ZNF648: variants seen among roughly 807,000 people sequenced by gnomAD.
ZNF648 encodes zinc finger protein 648.
Under a neutral mutation model 0.3 loss-of-function variants are expected in ZNF648, and 1 was observed. The ratio of observed to expected loss-of-function variants is 3.90; its 90% confidence interval spans 1.39 to 18.51. The LOEUF is 18.51. Among genes scored for constraint, ZNF648 ranks in the 30% most tolerant of loss-of-function variants. ZNF648 has a pLI of 0.11. For synonymous variants in ZNF648, 376 were observed against 326.8 expected, an observed-to-expected ratio of 1.15 and a Z score of -1.62; for missense variants, 874 against 769.7, an observed-to-expected ratio of 1.14 and a Z score of -1.60.
rs763310559 is a variant in ZNF648 at position 182,057,173 on chromosome 1, C to G, written c.838G>C (p.Ala280Pro). 2.5e-6 allele frequency: 4 copies of G among 1,590,964 alleles called. No individual in the cohort carries two copies. The highest frequency in any genetic ancestry group is 2.2e-5 in the South Asian group (2 of 90,156). Residue 280 changes from alanine (A) to proline (P), a missense_variant, in exon 2 of 2, where the codon GCG becomes CCG. By Grantham distance (27) the Ala-to-Pro change is conservative. Coordinates refer to ENST00000339948, the MANE Select transcript of ZNF648 (RefSeq NM_001009992.1). The part of the protein sequence containing the change: ...ETRGGAAKRY[A>P]CELCGKAYSH... ...TAGGCCTTCCCGCATAGCTCGCACG[C>G]GTAGCGCTTGGCGGCGCCGCCGCGC...
Position 182,057,150 on chromosome 1 carries a change from G to T in ZNF648, c.861C>A (p.Ala287=). 6.9e-6 allele frequency: 11 copies of T among 1,602,094 alleles called. No homozygotes were observed. Among genetic ancestry groups the T allele is most frequent in the Non-Finnish European group, 9.3e-6 (11 of 1,178,664 alleles). Reference sequence around the variant, plus strand: ...GCTGGAGTGTGCCGCGGTGGGAGTAGGCCTTCCCGCATAGCTCGCACGCGT... The same window carrying T: ...GCTGGAGTGTGCCGCGGTGGGAGTATGCCTTCCCGCATAGCTCGCACGCGT... ...KRYACELCGK[A]YSHRGTLQQH... Residue 287 remains alanine (A), a synonymous_variant, in exon 2 of 2, where the codon GCC becomes GCA. Transcript: ENST00000339948.
chr1:182,055,439 G>A lies in ZNF648; in HGVS notation c.*865C>T, dbSNP rs1267927828. On this transcript the variant is annotated 3_prime_UTR_variant, in exon 2 of 2. Transcript: ENST00000339948. The surrounding 1 kb of genome is among the most constrained non-coding windows in gnomAD (Gnocchi z 4.1). ...AAATTATATATGTCTCTCTGTAAATGGGCCAATTGCTTTGTAAATATCACA... is the reference window on the plus strand; with the variant it reads ...AAATTATATATGTCTCTCTGTAAATAGGCCAATTGCTTTGTAAATATCACA... 6.6e-6 allele frequency: 1 copy of A among 152,168 alleles called. No individual in the cohort carries two copies. The highest frequency in any genetic ancestry group is 2.4e-5 in the African/African-American group (1 of 41,430). The allele number at this position is 152,168 out of a possible 1,614,324, so 9.4% of individuals were successfully genotyped here.
chr1:182,057,747 C>T lies in ZNF648; in HGVS notation c.264G>A (p.Gly88=). The change falls in exon 2 of 2, where the codon GGG becomes GGA. Residue 88 remains glycine, a synonymous_variant. Coordinates refer to ENST00000339948, the MANE Select transcript of ZNF648 (RefSeq NM_001009992.1). The part of the protein sequence containing the change: ...EEKFSDSSSA[G]GMGQKPVEMS... ...TTTCCACTGGTTTCTGCCCCATGCC[C>T]CCAGCACTGGAGGAGTCAGAGAATT... 2 of 1,614,232 alleles carry T rather than the reference C, an allele frequency of 1.2e-6. No individual in the cohort carries two copies. The highest frequency in any genetic ancestry group is 1.1e-5 in the South Asian group (1 of 91,086).
At chr1:182,067,045 G>A in the ZNF648 span, among the ~76,000 whole-genome samples, 2 of 152,136 alleles carry the variant, frequency 1.3e-5, no homozygotes, top group African/African-American at 2.4e-5. Flanking sequence ...CTGTCATCGC[G>A]TGCTACACTT....
At position 182,057,117 on chromosome 1, in the gene ZNF648, C is replaced by A; in HGVS notation, c.894G>T (p.Arg298Ser). 6.2e-7 allele frequency: 1 copy of A among 1,608,486 alleles called. No homozygotes were observed. The highest frequency in any genetic ancestry group is 8.5e-7 in the Non-Finnish European group (1 of 1,179,838). Residue 298 changes from arginine to serine, a missense_variant, in exon 2 of 2, where the codon AGG (arginine) becomes AGT (serine). Coordinates refer to ENST00000339948, the MANE Select transcript of ZNF648 (RefSeq NM_001009992.1). ...AGGGCCGCTCGCCCGTGTGCAGGCG[C>A]CTGTGCTGCTGGAGTGTGCCGCGGT... ...YSHRGTLQQH[R>S]RLHTGERPYQ...
Position 182,057,254 on chromosome 1 carries a change from G to C in ZNF648, c.757C>G (p.Leu253Val). ...GEAEARPYRC[L>V]RGGRAFQKPS... ...TTCTGAAAGGCCCGCCCGCCCCGCA[G>C]GCACCTGTAGGGACGCGCCTCAGCC... Residue 253 changes from leucine (L) to valine (V), a missense_variant, in exon 2 of 2, where the codon CTG becomes GTG. Physicochemically the swap from Leu to Val is conservative, Grantham distance 32. Transcript: ENST00000339948. The C allele has an allele frequency of 6.3e-7, 1 of 1,579,776 alleles. No homozygotes were observed. The highest frequency in any genetic ancestry group is 8.6e-7 in the Non-Finnish European group (1 of 1,169,258).
In ZNF648 at chr1:182,057,851, A is replaced by T. The variant is rs777209660; in HGVS notation, c.160T>A (p.Cys54Ser). 1.4e-5 allele frequency: 23 copies of T among 1,614,172 alleles called. No homozygotes were observed. Among genetic ancestry groups the T allele is most frequent in the Non-Finnish European group, 1.9e-5 (23 of 1,180,040 alleles). ...EKEGTADPVA[C>S]PRGSSPVTHE... ...GTTACTGGGGAGCTGCCCCTTGGACAGGCCACCGGGTCAGCGGTGCCCTCT... is the reference window on the plus strand; with the variant it reads ...GTTACTGGGGAGCTGCCCCTTGGACTGGCCACCGGGTCAGCGGTGCCCTCT... The change falls in exon 2 of 2, where the codon TGT becomes AGT. Residue 54 changes from cysteine (C) to serine (S), a missense_variant. Cys to Ser is a moderately radical substitution (Grantham distance 112, BLOSUM62 -1). Coordinates refer to ENST00000339948, the MANE Select transcript of ZNF648 (RefSeq NM_001009992.1).
chr1:182,066,673 T>G (rs910117020), upstream of ZNF648, among the ~76,000 whole-genome samples: 7 of 152,234 alleles, frequency 4.6e-5, no homozygotes, highest in Admixed American at 6.5e-5. Context: ...GTCCATTTAC[T>G]TAACTTCTTT....
At chr1:182,061,292 G>C (rs1007803152) in intron 1 of ZNF648, among the ~76,000 whole-genome samples, 2 of 152,202 alleles carry the variant, frequency 1.3e-5, no homozygotes, top group African/African-American at 4.8e-5. Context: ...CCCAGAGGCT[G>C]TCAGAGCAGT....
rs1228934631 is a variant in ZNF648, at chr1:182,056,677, T to C, written c.1334A>G (p.Gln445Arg). 1.2e-6 allele frequency: 2 copies of C among 1,604,338 alleles called. No homozygotes were observed. Among genetic ancestry groups the C allele is most frequent in the African/African-American group, 2.7e-5 (2 of 74,846 alleles). ...GCAGTCAGCGCACTTGAAAGGCCTC[T>C]GGCCGGTGTGCAGCGTCTGGTGCTC... The part of the protein sequence containing the change: ...LSEHQTLHTG[Q>R]RPFKCADCGV... Residue 445 changes from glutamine to arginine, a missense_variant, in exon 2 of 2, where the codon CAG becomes CGG. Physicochemically the swap from Gln to Arg is conservative, Grantham distance 43. Coordinates refer to ENST00000339948, the MANE Select transcript of ZNF648 (RefSeq NM_001009992.1).
At chr1:182,065,976 G>A (rs1360738019), upstream of ZNF648, among the ~76,000 whole-genome samples, 1 of 152,162 alleles carries the variant, frequency 6.6e-6, no homozygotes, top group Non-Finnish European at 1.5e-5. Context: ...AATGGAGAGC[G>A]GAAGGCCCTT....
At chr1:182,066,128 AT>A (rs1666094405), upstream of ZNF648, among the ~76,000 whole-genome samples, 1 of 152,186 alleles carries the variant, frequency 6.6e-6, no homozygotes, top group African/African-American at 2.4e-5. Flanking sequence ...AAATCTGGCA[AT>A]TCCTCTGAGC....
At chr1:182,068,245 G>A in the ZNF648 span, 18 of 152,178 alleles carry the variant, frequency 1.2e-4, no homozygotes, top group African/African-American at 4.1e-4. Context: ...AAATTATCTA[G>A]TGCAGCCCCT....
upstream of ZNF648, among the ~76,000 whole-genome samples, chr1:182,066,385 T>A (rs748168245): frequency 6.6e-6 from 1 of 152,248 alleles, no homozygotes; most frequent in Non-Finnish European, 1.5e-5. Context: ...ATCACAGCAA[T>A]CTGCCTGAGC....
At position 182,056,247 on chromosome 1, in the gene ZNF648, C is replaced by G. The variant is rs1665902596; in HGVS notation, c.*57G>C. ...AGGCTGACCAGTGAGGCTGGCAATA[C>G]CATGTGAGTGGGCCCACCTGGGAAG... On this transcript the variant is annotated 3_prime_UTR_variant, in exon 2 of 2. Transcript: ENST00000339948. The G allele has an allele frequency of 3.2e-6, 5 of 1,546,702 alleles. No individual in the cohort carries two copies. The South Asian group carries it at 6.2e-5, about 19-fold the overall frequency.
intron 1 of ZNF648, among the ~76,000 whole-genome samples, chr1:182,060,738 G>T (rs892481546): frequency 1.3e-5 from 2 of 152,182 alleles, no homozygotes; most frequent in African/African-American, 4.8e-5. Flanking sequence ...CATAGAACTT[G>T]CTCAGACCAG....
chr1:182,062,254 G>A (rs1666041846), upstream of ZNF648, among the ~76,000 whole-genome samples: 1 of 152,186 alleles, frequency 6.6e-6, no homozygotes, highest in African/African-American at 2.4e-5. Context: ...CCTGTCTGGG[G>A]TCTCTTTCCA....
At chr1:182,067,835 C>T in the ZNF648 span, among the ~76,000 whole-genome samples, 1 of 152,372 alleles carries the variant, frequency 6.6e-6, no homozygotes, top group African/African-American at 2.4e-5. Flanking sequence ...TGTCTACTGA[C>T]ATAGCAGCAT....
In ZNF648 at chr1:182,056,760, C is replaced by A; in HGVS notation, c.1251G>T (p.Glu417Asp). Residue 417 changes from glutamate to aspartate, a missense_variant, in exon 2 of 2, where the codon GAG (glutamate) becomes GAT (aspartate). By Grantham distance (45) the Glu-to-Asp change is conservative (BLOSUM62 2). Transcript: ENST00000339948. ...CGCAGGTGGGGCAGGGGAAGGGCCG[C>A]TCGCCCGAGTGCACGCGCTGGTGCT... Reference protein sequence around the residue: ...MVEHQRVHSGERPFPCPTCGK... With the variant: ...MVEHQRVHSGDRPFPCPTCGK... 1 of 1,566,726 alleles carries A rather than the reference C, an allele frequency of 6.4e-7. No homozygotes were observed.
Sources: allele counts gnomAD v4.1 joint callset (sites outside exome capture counted in the v4.1 genomes callset), GRCh38; gene constraint gnomAD v4.1.1; non-coding constraint Gnocchi (gnomAD v3.1); transcripts MANE v1.5; gene names NCBI Gene and HGNC (gene_info 2026-07-23, HGNC 2026-07-21).